Variants in ATM observed in about 807,000 individuals in gnomAD.
ATM encodes ATM serine/threonine kinase, also known as serine-protein kinase ATM.
A neutral mutation model predicts 387.0 loss-of-function variants in ATM; 308 were observed. The ratio of observed to expected loss-of-function variants is 0.80; its 90% CI spans 0.73 to 0.87. The LOEUF is 0.87. Ranked by LOEUF, ATM falls within the 40% of genes least tolerant of loss-of-function variation. ATM has a pLI of 0.00. For missense variants in ATM, 3,312 were observed against 3,560.9 expected (o/e 0.93, Z 1.78); for synonymous variants, 1,156 against 1,187.3 (o/e 0.97, Z 0.54).
At chr11:108,240,199 C>T (rs1261942573) in intron 5 of ATM, among the ~76,000 whole-genome samples, 2 of 152,174 alleles carry the variant, frequency 1.3e-5, no homozygotes, top group Non-Finnish European at 2.9e-5. Flanking sequence ...TTTTCTGTAT[C>T]TAATGAGATG....
rs1800057 is a variant in ATM at position 108,272,729 on chromosome 11, C to A, written c.3161C>A (p.Pro1054His). Residue 1054 changes from proline to histidine, a missense_variant, in exon 22 of 63, where the codon CCT becomes CAT. Pro to His is a moderately conservative substitution (Grantham distance 77, BLOSUM62 -2). Coordinates refer to ENST00000675843, the MANE Select transcript of ATM (RefSeq NM_000051.4). Reference protein sequence around the residue: ...NCLKTLLEADPYSKWAILNVM... With the variant: ...NCLKTLLEADHYSKWAILNVM... ...ACAGTTCTTTTCCCGTAGGCTGATC[C>A]TTATTCAAAATGGGCCATTCTTAAT... 1 of 1,613,576 alleles carries A rather than the reference C, an allele frequency of 6.2e-7. No individual in the cohort carries two copies. The highest frequency in any genetic ancestry group is 8.5e-7 in the Non-Finnish European group (1 of 1,179,706).
chr11:108,268,315 C>CT (rs4987970), intron 17 of ATM, 95 bp from the exon 18 acceptor site: 85 of 1,200,406 alleles, frequency 7.1e-5, no homozygotes, highest in Middle Eastern at 2.7e-4. Context: ...TTTTCATATA[C>CT]TTTTTTTTGT....
chr11:108,354,233 C>G (rs1169239577), intron 60 of ATM, among the ~76,000 whole-genome samples: 2 of 152,234 alleles, frequency 1.3e-5, no homozygotes, highest in East Asian at 3.9e-4. Context: ...CACCTGGGAC[C>G]TAAGCCCATG....
At chr11:108,250,106 G>C (rs1199597779) in intron 9 of ATM, among the ~76,000 whole-genome samples, 1 of 149,904 alleles carries the variant, frequency 6.7e-6, no homozygotes, top group Non-Finnish European at 1.5e-5. Context: ...AAAGAGCAAG[G>C]ATGTACAAGA....
chr11:108,333,125 T>TC (rs1371822056), intron 53 of ATM, among the ~76,000 whole-genome samples: 1 of 152,212 alleles, frequency 6.6e-6, no homozygotes, highest in Non-Finnish European at 1.5e-5. Context: ...TTTGATTTCT[T>TC]CTGATAATCT....
chr11:108,309,971 T>C (rs528203238), intron 38 of ATM, among the ~76,000 whole-genome samples, 189 bp from the exon 39 acceptor site: 4 of 152,158 alleles, frequency 2.6e-5, no homozygotes, highest in African/African-American at 9.7e-5. Context: ...ACCAAAAAGA[T>C]TAATTAAATA....
chr11:108,354,505 G>T (rs1044278260), intron 60 of ATM, among the ~76,000 whole-genome samples: 1 of 152,220 alleles, frequency 6.6e-6, no homozygotes, highest in Non-Finnish European at 1.5e-5. Context: ...ATTGCAGTCA[G>T]TGTAAACTAA....
chr11:108,251,025 CAG>C lies in ATM; in HGVS notation c.1564_1565del (p.Glu522IlefsTer43), dbSNP rs587779817. ...TTCAGGGTAGTTTAGTTGAGGTTGA[CAG>C]AGAATTCTGGAAGTTATTTACTGGG... The part of the protein sequence containing the change: ...IIQGSLVEVD[R>X]EFWKLFTGSA... On this transcript the variant is annotated frameshift_variant, in exon 10 of 63. Coordinates refer to ENST00000675843, the MANE Select transcript of ATM (RefSeq NM_000051.4). LOFTEE classifies it high-confidence loss of function. The C allele has an allele frequency of 5.5e-5, 88 of 1,614,020 alleles. No homozygotes were observed. Among genetic ancestry groups the C allele is most frequent in the Non-Finnish European group, 7.4e-5 (87 of 1,180,030 alleles).
intron 9 of ATM, among the ~76,000 whole-genome samples, chr11:108,250,048 T>G (rs2080048006): frequency 6.6e-6 from 1 of 151,958 alleles, no homozygotes; most frequent in South Asian, 2.1e-4. Context: ...GAAAAACAGT[T>G]TTTTGGGTTT....
chr11:108,358,800 A>G (rs2090353989), intron 61 of ATM, among the ~76,000 whole-genome samples: 1 of 149,846 alleles, frequency 6.7e-6, no homozygotes, highest in Admixed American at 6.7e-5. Flanking sequence ...AGGAAGCACT[A>G]AACATGGAAA....
chr11:108,344,720 G>T (rs375693646), intron 57 of ATM, among the ~76,000 whole-genome samples: 4 of 151,970 alleles, frequency 2.6e-5, no homozygotes, highest in Non-Finnish European at 5.9e-5. Context: ...AATAAGGTTG[G>T]GGGGCGGGTG....
rs747242300 is a variant in ATM, at chr11:108,252,848, C to T, written c.1834C>T (p.Leu612Phe). 3.7e-6 allele frequency: 6 copies of T among 1,612,914 alleles called. No individual in the cohort carries two copies. In the South Asian group the frequency reaches 6.6e-5, roughly 18 times the overall value. Residue 612 changes from leucine to phenylalanine, a missense_variant, in exon 12 of 63, where the codon CTT becomes TTT. Transcript: ENST00000675843. ...TCCTCATCTTGTACTGGAGAAAATT[C>T]TTGTGAGTCTCACTATGAAAAACTG... ...NFPHLVLEKI[L>F]VSLTMKNCKA...
intron 56 of ATM, 175 bp downstream of exon 56, chr11:108,336,136 A>G (rs1295242774): frequency 1.8e-6 from 1 of 558,106 alleles, no homozygotes; most frequent in Non-Finnish European, 3.2e-6. Context: ...ATCTTGACAA[A>G]AAGTTAAAAA....
At chr11:108,299,315 CT>C (rs34021496) in intron 33 of ATM, among the ~76,000 whole-genome samples, 70,258 of 143,226 alleles carry the variant, frequency 0.49, 17,437 homozygotes, top group Middle Eastern at 0.72. Context: ...TTCTCTCTCT[CT>C]TTTTTTTTTT....
chr11:108,238,905 A>T (rs1011334574), intron 5 of ATM, among the ~76,000 whole-genome samples: 1 of 152,100 alleles, frequency 6.6e-6, no homozygotes, highest in African/African-American at 2.4e-5. Context: ...AATCATCTCC[A>T]CCATCCATCT....
At chr11:108,364,157 A>G (rs931117885) in intron 61 of ATM, among the ~76,000 whole-genome samples, 2 of 152,216 alleles carry the variant, frequency 1.3e-5, no homozygotes, top group South Asian at 2.1e-4. Flanking sequence ...TAAATCTGCT[A>G]AAGGCATTTT....
rs1565378708 is a variant in ATM at position 108,248,930 on chromosome 11, C to T, written c.1066-3C>T. ...AAAAAGTGGATTTATTTTTATTTTA[C>T]AGGTTTTTAATGAAGATACCAGATC... On this transcript the variant is annotated splice_region_variant and splice_polypyrimidine_tract_variant and intron_variant, in intron 8 of 62. Coordinates refer to ENST00000675843, the MANE Select transcript of ATM (RefSeq NM_000051.4). 1.3e-6 allele frequency: 2 copies of T among 1,586,428 alleles called. No homozygotes were observed. The highest frequency in any genetic ancestry group is 1.7e-6 in the Non-Finnish European group (2 of 1,163,572).
chr11:108,284,188 GTT>G (rs2082368798), intron 25 of ATM, 37 bp from the exon 26 acceptor site: 1 of 1,483,020 alleles, frequency 6.7e-7, no homozygotes, highest in Non-Finnish European at 9.2e-7. Flanking sequence ...ACTTGGAAAA[GTT>G]ATATATAACC....
rs760821273 is a variant in ATM, at chr11:108,279,581, G to A, written c.3375G>A (p.Leu1125=). The A allele has an allele frequency of 2.5e-6, 4 of 1,612,192 alleles. No individual in the cohort carries two copies. In the South Asian group the frequency reaches 4.4e-5, roughly 18 times the overall value. ...LQQTAFENAY[L]KAQEGMREMS... ...AAACAGCTTTTGAAAATGCATACTT[G>A]AAAGCTCAGGAAGGAATGAGAGAAA... is the stretch of plus-strand genomic sequence containing the variant. Residue 1125 remains leucine, a synonymous_variant, in exon 23 of 63, where the codon TTG becomes TTA. Transcript: ENST00000675843.
Sources: allele counts gnomAD v4.1 joint callset (sites outside exome capture counted in the v4.1 genomes callset), GRCh38; gene constraint gnomAD v4.1.1; transcripts MANE v1.5; gene names NCBI Gene and HGNC (gene_info 2026-07-23, HGNC 2026-07-21).